Variants in SUFU observed in about 807,000 individuals in gnomAD.
The protein encoded by SUFU is SUFU negative regulator of hedgehog signaling, also known as suppressor of fused homolog.
In SUFU, 7 loss-of-function variants were observed where a neutral mutation model predicts 58.9. The ratio of observed to expected loss-of-function variants is 0.12; its 90% CI spans 0.07 to 0.22. The LOEUF (loss-of-function observed/expected upper bound fraction) is 0.22, where lower values mean the gene tolerates loss of function less well. SUFU is among the 10% of genes least tolerant of loss of function. SUFU has a pLI of 1.00. For missense variants in SUFU, 451 were observed against 641.3 expected, an observed-to-expected ratio of 0.70 and a Z score of 3.20; for synonymous variants, 232 against 254.8, an observed-to-expected ratio of 0.91 and a Z score of 0.85.
chr10:102,597,233 G>A lies in SUFU; in HGVS notation c.850G>A (p.Asp284Asn). The A allele has an allele frequency of 6.2e-7, 1 of 1,614,018 alleles. No homozygotes were observed. Among genetic ancestry groups the A allele is most frequent in the Non-Finnish European group, 8.5e-7 (1 of 1,180,012 alleles). ...GGATGACCTGAGCCGGCCCCCCGAG[G>A]ATGACGAGGACAGCCGGAGCATCTG... Reference protein sequence around the residue: ...AWDDLSRPPEDDEDSRSICIG... With the variant: ...AWDDLSRPPENDEDSRSICIG... Residue 284 changes from aspartate to asparagine, a missense_variant, in exon 7 of 12, where the codon GAT (aspartate) becomes AAT (asparagine). Physicochemically the swap from Asp to Asn is conservative, Grantham distance 23 (BLOSUM62 1). Coordinates refer to ENST00000369902, the MANE Select transcript of SUFU (RefSeq NM_016169.4).
At position 102,589,442 on chromosome 10, in the gene SUFU, C is replaced by CTTTTTTTTTTTTTTT. The variant is rs747625757; in HGVS notation, c.455-3133_455-3119dup. Among the ~76,000 whole-genome samples, 485 of 65,364 alleles carry CTTTTTTTTTTTTTTT rather than the reference C, an allele frequency of 7.4e-3. 76 individuals are homozygous for CTTTTTTTTTTTTTTT. The highest frequency in any genetic ancestry group is 8.2e-3 in the Admixed American group (30 of 3,644). The allele number at this position is 65,364 out of a possible 152,430, so 42.9% of individuals were successfully genotyped here. ...CAATCTGGAAGTATTTTCTTTCTTTCTTTTTTTTTTTTTTTTTTTTTGAGA... is the reference window on the plus strand; with the variant it reads ...CAATCTGGAAGTATTTTCTTTCTTTCTTTTTTTTTTTTTTTTTTTTTTTTTTTTTTTTTTTTGAGA... On this transcript the variant is annotated intron_variant, in intron 3 of 11. Transcript: ENST00000369902.
intron 10 of SUFU, among the ~76,000 whole-genome samples, chr10:102,624,636 C>G (rs1207677449): frequency 6.6e-6 from 1 of 152,212 alleles, no homozygotes; most frequent in Admixed American, 6.5e-5. Context: ...TCCCCTCCCC[C>G]AACCGAGTCC....
intron 8 of SUFU, 23 bp from the exon 9 acceptor site, chr10:102,615,245 C>A (rs117407459): frequency 1.3e-5 from 21 of 1,614,118 alleles, no homozygotes; most frequent in Non-Finnish European, 1.7e-5. Context: ...TGTGCCGAAC[C>A]TTTTCCTGTG....
At chr10:102,533,000 ACGCATGGT>A (rs1390320269) in intron 2 of SUFU, among the ~76,000 whole-genome samples, 1 of 152,156 alleles carries the variant, frequency 6.6e-6, no homozygotes, top group African/African-American at 2.4e-5. Context: ...CAGAAGGCTA[ACGCATGGT>A]GTGGCAGTTG....
chr10:102,594,438 G>A (rs2063439287), intron 6 of SUFU, among the ~76,000 whole-genome samples: 1 of 152,014 alleles, frequency 6.6e-6, no homozygotes, highest in South Asian at 2.1e-4. Context: ...GGCCACCACC[G>A]CCCTGTACCA....
intron 2 of SUFU, among the ~76,000 whole-genome samples, chr10:102,526,512 C>T (rs1305256120): frequency 1.3e-5 from 2 of 152,118 alleles, no homozygotes; most frequent in African/African-American, 4.8e-5. Context: ...AAGATCGTGC[C>T]ACTGCACTCC....
intron 8 of SUFU, among the ~76,000 whole-genome samples, chr10:102,611,793 C>G (rs1251394330): frequency 1.3e-5 from 2 of 152,180 alleles, no homozygotes; most frequent in Non-Finnish European, 2.9e-5. Context: ...AAGTTAAGCC[C>G]AATGTCACAT....
At chr10:102,509,088 G>A in intron 1 of SUFU, 81 bp from the exon 2 acceptor site, 1 of 1,601,498 alleles carries the variant, frequency 6.2e-7, no homozygotes, top group Non-Finnish European at 8.5e-7. Context: ...GGTCCTTTAG[G>A]TTTACAAAGT....
Position 102,574,756 on chromosome 10 carries a change from G to A in SUFU, c.455-17826G>A, listed in dbSNP as rs545314034. ...TTTAAAAAAAATGTATTTTATCTTCGTCACTAAAAAAGCCTTGAAACAGGC... is the reference window on the plus strand; with the variant it reads ...TTTAAAAAAAATGTATTTTATCTTCATCACTAAAAAAGCCTTGAAACAGGC... On this transcript the variant is annotated intron_variant, in intron 3 of 11. Coordinates refer to ENST00000369902, the MANE Select transcript of SUFU (RefSeq NM_016169.4). 1.3e-3 allele frequency among the ~76,000 whole-genome samples: 201 copies of A among 152,020 alleles called. 1 individual carries two copies. Among genetic ancestry groups the A allele is most frequent in the African/African-American group, 4.6e-3 (192 of 41,472 alleles).
intron 3 of SUFU, among the ~76,000 whole-genome samples, chr10:102,566,894 G>A (rs541161280): frequency 4.0e-4 from 59 of 146,882 alleles, no homozygotes; most frequent in African/African-American, 1.5e-3. Flanking sequence ...GCAGTGAGCC[G>A]AGATTGTGCC....
rs962485784 is a variant in SUFU at position 102,625,511 on chromosome 10, G to T, written c.1297-1664G>T. On this transcript the variant is annotated intron_variant, in intron 10 of 11. Coordinates refer to ENST00000369902, the MANE Select transcript of SUFU (RefSeq NM_016169.4). This position sits in a 1 kb window ranked among gnomAD's most constrained non-coding sequence, Gnocchi z 4.7. The stretch of plus-strand genomic sequence containing the variant: ...TGGGAAATGAGCTGCCTTCATGCCT[G>T]TGTCCCTGGAAGGATGAATGGATGA... 6.6e-6 allele frequency among the ~76,000 whole-genome samples: 1 copy of T among 152,148 alleles called. No homozygotes were observed. The highest frequency in any genetic ancestry group is 2.4e-5 in the African/African-American group (1 of 41,438).
chr10:102,542,311 T>G (rs970182810), intron 2 of SUFU, among the ~76,000 whole-genome samples: 4 of 151,876 alleles, frequency 2.6e-5, no homozygotes, highest in Non-Finnish European at 5.9e-5. Flanking sequence ...TTTTGTATTT[T>G]TAGTAGAGAC....
intron 3 of SUFU, among the ~76,000 whole-genome samples, chr10:102,591,267 G>A (rs779601883): frequency 1.1e-4 from 17 of 152,156 alleles, no homozygotes; most frequent in Admixed American, 1.1e-3. Context: ...TTGGGAGGCC[G>A]AGGAGGGCGG....
At chr10:102,546,053 C>T (rs753104030) in intron 2 of SUFU, among the ~76,000 whole-genome samples, 2 of 152,158 alleles carry the variant, frequency 1.3e-5, no homozygotes, top group Non-Finnish European at 2.9e-5. Context: ...CTCACTGATA[C>T]CTTCTTAGTG....
At chr10:102,560,574 C>CA (rs932675176) in intron 3 of SUFU, among the ~76,000 whole-genome samples, 50 of 149,980 alleles carry the variant, frequency 3.3e-4, no homozygotes, top group Non-Finnish European at 5.2e-4. Context: ...GACTCAGTCT[C>CA]AAAAAAAAAG....
At chr10:102,601,041 C>T (rs567521819) in intron 8 of SUFU, among the ~76,000 whole-genome samples, 19 of 152,232 alleles carry the variant, frequency 1.2e-4, no homozygotes, top group Admixed American at 2.6e-4. Flanking sequence ...CTTGGCTTCT[C>T]GCTTTGGGCC....
chr10:102,627,333 G>A (rs947375447), intron 11 of SUFU, 90 bp downstream of exon 11: 24 of 1,172,158 alleles, frequency 2.0e-5, no homozygotes, highest in South Asian at 7.3e-5. Flanking sequence ...GCATGTGTGC[G>A]TGTGTACCTG....
rs921627736 is a variant in SUFU, at chr10:102,593,555, C to T, written c.598-81C>T. ...CCTGTGGTCTCCCAACTGGAGGTGA[C>T]TCAGAGAGCCTGGGTAGCTGACCTT... is the stretch of plus-strand genomic sequence containing the variant. On this transcript the variant is annotated intron_variant, in intron 4 of 11. Coordinates refer to ENST00000369902, the MANE Select transcript of SUFU (RefSeq NM_016169.4). 5.6e-6 allele frequency: 8 copies of T among 1,419,228 alleles called. No individual in the cohort carries two copies. In the African/African-American group the frequency reaches 9.9e-5, roughly 17 times the overall value. The allele number at this position is 1,419,228 out of a possible 1,614,324, so 87.9% of individuals were successfully genotyped here.
At chr10:102,615,485 C>G in intron 9 of SUFU, 83 bp downstream of exon 9, 1 of 1,603,894 alleles carries the variant, frequency 6.2e-7, no homozygotes, top group Non-Finnish European at 8.5e-7. Context: ...CTCCCCAGCC[C>G]CCTCCCCCAG....
Sources: allele counts gnomAD v4.1 joint callset (sites outside exome capture counted in the v4.1 genomes callset), GRCh38; gene constraint gnomAD v4.1.1; non-coding constraint Gnocchi (gnomAD v3.1); transcripts MANE v1.5; gene names NCBI Gene and HGNC (gene_info 2026-07-23, HGNC 2026-07-21).